DIAPH2: variants seen among roughly 807,000 people sequenced by gnomAD.
DIAPH2 encodes diaphanous related formin 2.
Under a neutral mutation model 92.7 loss-of-function variants are expected in DIAPH2, and 35 were observed. That is an observed-to-expected ratio of 0.38 (90% confidence interval 0.29 to 0.50). DIAPH2 has a LOEUF of 0.50. Among genes scored for constraint, DIAPH2 ranks in the 20% least tolerant of loss-of-function variants. The probability of loss-of-function intolerance (pLI) is 0.94; values close to 1 mark genes in which losing one functional copy is unlikely to be tolerated. For missense variants in DIAPH2, 701 were observed against 819.5 expected, an observed-to-expected ratio of 0.86 and a Z score of 1.77; for synonymous variants, 301 against 280.4, an observed-to-expected ratio of 1.07 and a Z score of -0.73.
intron 26 of DIAPH2, among the ~76,000 whole-genome samples, chrX:97,452,389 A>G (rs1481984517): frequency 3.6e-5 from 4 of 111,968 alleles, no homozygotes; most frequent in Admixed American, 9.5e-5. Context: ...CATGAAACTT[A>G]TGAACAGAAG....
intron 10 of DIAPH2, among the ~76,000 whole-genome samples, chrX:96,933,423 G>C (rs927913862): frequency 2.8e-5 from 3 of 107,005 alleles, no homozygotes; most frequent in African/African-American, 1.0e-4. Flanking sequence ...TCAATCTCCT[G>C]TGCTCAAGCA....
chrX:97,460,390 G>A (rs893699461), intron 26 of DIAPH2, among the ~76,000 whole-genome samples: 9 of 112,064 alleles, frequency 8.0e-5, no homozygotes, highest in Non-Finnish European at 1.3e-4. Context: ...AGTAAAAAAG[G>A]AGAGACTGAA....
chrX:96,819,491 A>G (rs1403338751), intron 4 of DIAPH2, among the ~76,000 whole-genome samples: 2 of 112,444 alleles, frequency 1.8e-5, no homozygotes, highest in East Asian at 2.8e-4. Flanking sequence ...ACAATTCATC[A>G]TAAGTGGTCA....
intron 26 of DIAPH2, among the ~76,000 whole-genome samples, chrX:97,490,355 G>C (rs1170402076): frequency 3.0e-5 from 3 of 98,687 alleles, no homozygotes; most frequent in Non-Finnish European, 6.2e-5. Flanking sequence ...ACAATTTTCT[G>C]TTTCACTGAT....
chrX:97,561,109 C>T (rs1231896544), intron 26 of DIAPH2, among the ~76,000 whole-genome samples: 1 of 112,031 alleles, frequency 8.9e-6, no homozygotes, highest in Non-Finnish European at 1.9e-5. Flanking sequence ...TCTTTTAGTG[C>T]TTATCACTAG....
chrX:96,918,687 CCATT>C, intron 9 of DIAPH2, 70 bp downstream of exon 9: 1 of 751,348 alleles, frequency 1.3e-6, no homozygotes, highest in Non-Finnish European at 1.9e-6. Context: ...GACATCAACT[CCATT>C]TTAGCTGGCA....
At chrX:96,979,587 C>G (rs910064580) in intron 17 of DIAPH2, among the ~76,000 whole-genome samples, 3 of 112,158 alleles carry the variant, frequency 2.7e-5, no homozygotes, top group Non-Finnish European at 5.6e-5. Context: ...AATTTACTAT[C>G]GTCTTGACTC....
intron 17 of DIAPH2, among the ~76,000 whole-genome samples, chrX:97,008,165 A>G (rs2066197868): frequency 1.9e-5 from 2 of 105,669 alleles, no homozygotes; most frequent in South Asian, 8.8e-4. Flanking sequence ...TAAGCTTACT[A>G]ATTGTTTCTT....
chrX:97,390,205 TGTC>T (rs2069643418), intron 25 of DIAPH2, among the ~76,000 whole-genome samples: 2 of 88,378 alleles, frequency 2.3e-5, no homozygotes, highest in African/African-American at 7.8e-5. Context: ...CCCTGCTTTC[TGTC>T]TTTTTTTTTT....
intron 25 of DIAPH2, among the ~76,000 whole-genome samples, chrX:97,419,906 C>G (rs1268595113): frequency 5.4e-5 from 6 of 111,694 alleles, no homozygotes; most frequent in African/African-American, 9.7e-5. Context: ...CCTTCACAAG[C>G]CTTCCATGCT....
intron 19 of DIAPH2, among the ~76,000 whole-genome samples, chrX:97,091,071 A>G (rs966030016): frequency 8.1e-5 from 9 of 111,259 alleles, no homozygotes; most frequent in Non-Finnish European, 1.7e-4. Flanking sequence ...CAGTGGCACA[A>G]TCTTGGCTCA....
chrX:96,986,983 C>T (rs1335500542), intron 17 of DIAPH2, among the ~76,000 whole-genome samples: 3 of 111,381 alleles, frequency 2.7e-5, no homozygotes, highest in Non-Finnish European at 3.8e-5. Flanking sequence ...TTTTTTGAGA[C>T]CAAATTTTAA....
chrX:97,132,725 A>G, intron 21 of DIAPH2, among the ~76,000 whole-genome samples: 2 of 112,302 alleles, frequency 1.8e-5, no homozygotes, highest in Non-Finnish European at 3.8e-5. Flanking sequence ...ATGATTAATG[A>G]AAATTTTCAC....
chrX:96,984,485 G>A (rs941147241), intron 17 of DIAPH2, among the ~76,000 whole-genome samples: 2 of 110,605 alleles, frequency 1.8e-5, no homozygotes, highest in African/African-American at 6.6e-5. Context: ...GAATTACTAG[G>A]GACTTATGCT....
At chrX:97,515,878 C>G (rs778032928) in intron 26 of DIAPH2, among the ~76,000 whole-genome samples, 7 of 111,196 alleles carry the variant, frequency 6.3e-5, no homozygotes, top group Non-Finnish European at 1.1e-4. Flanking sequence ...AGTAGCAAAA[C>G]AAGGGACTTC....
chrX:96,753,489 A>G (rs758572941), intron 3 of DIAPH2, among the ~76,000 whole-genome samples: 21 of 111,924 alleles, frequency 1.9e-4, no homozygotes, highest in African/African-American at 6.5e-4. Context: ...TTACATGAAG[A>G]TAAGTTGAGT....
chrX:97,185,353 G>GTATATATATATGTATATATATATT (rs1387950279), intron 22 of DIAPH2, among the ~76,000 whole-genome samples: 1 of 18,398 alleles, frequency 5.4e-5, no homozygotes, highest in Non-Finnish European at 7.1e-5. Context: ...ATATATATAT[G>GTATATATATATGTATATATATATT]TGTGTATATA....
At chrX:96,854,118 C>T (rs1470749300) in intron 4 of DIAPH2, among the ~76,000 whole-genome samples, 1 of 111,134 alleles carries the variant, frequency 9.0e-6, no homozygotes, top group Non-Finnish European at 1.9e-5. Flanking sequence ...CTATTTACCC[C>T]TATATTCTTA....
chrX:97,234,342 AAAAAAAG>A (rs1278336413), intron 22 of DIAPH2, among the ~76,000 whole-genome samples: 5 of 106,844 alleles, frequency 4.7e-5, no homozygotes, highest in Non-Finnish European at 9.7e-5. Flanking sequence ...AAAAAAAAAA[AAAAAAAG>A]AAAAAAAGAA....
Sources: gnomAD v4.1 joint callset for allele counts (sites outside exome capture counted in the v4.1 genomes callset) on GRCh38, gnomAD v4.1.1 for gene constraint, MANE v1.5 for transcripts, NCBI Gene and HGNC (gene_info 2026-07-23, HGNC 2026-07-21) for gene names.